HSPB2: variants seen among roughly 807,000 people sequenced by gnomAD.
HSPB2 encodes heat shock protein family B (small) member 2.
Under a neutral mutation model 14.1 loss-of-function variants are expected in HSPB2, and 14 were observed. The observed-to-expected ratio is 0.99, with a 90% CI of 0.66 to 1.55. HSPB2 has a LOEUF of 1.55. Among genes scored for constraint, HSPB2 ranks in the 40% most tolerant of loss-of-function variants. HSPB2 has a pLI of 0.00. For missense variants in HSPB2, 242 were observed against 241.7 expected, an observed-to-expected ratio of 1.00 and a Z score of -0.01; for synonymous variants, 110 against 103.4, an observed-to-expected ratio of 1.06 and a Z score of -0.39.
chr11:111,913,157 G>C, intron 1 of HSPB2: 1 of 605,924 alleles, frequency 1.7e-6, no homozygotes, highest in East Asian at 2.8e-5. Flanking sequence ...TGCCGGCCTG[G>C]GTGTGCCTCC....
rs782506463 is a variant in HSPB2 at position 111,913,467 on chromosome 11, C to T, written c.121C>T (p.Pro41Ser). 6.2e-7 allele frequency: 1 copy of T among 1,611,314 alleles called. No individual in the cohort carries two copies. Among genetic ancestry groups the T allele is most frequent in the Non-Finnish European group, 8.5e-7 (1 of 1,179,986 alleles). ...EGLLPEEILT[P>S]TLYHGYYVRP... ...CCTCCTGCCAGAAGAGATCCTGACC[C>T]CCACACTCTACCATGGCTACTATGT... Residue 41 changes from proline (P) to serine (S), a missense_variant, in exon 2 of 2, where the codon CCC (proline) becomes TCC (serine). Physicochemically the swap from Pro to Ser is moderately conservative, Grantham distance 74 (BLOSUM62 -1). Transcript: ENST00000304298.
intron 1 of HSPB2, 171 bp from the exon 2 acceptor site, chr11:111,913,270 T>C: frequency 1.7e-6 from 1 of 589,406 alleles, no homozygotes. Context: ...CTCTTTCCCC[T>C]CTTCCGAGCT....
chr11:111,914,025 G>T lies in HSPB2; in HGVS notation c.*130G>T. ...GTGCATGGTCCACAATGTATGGTTT[G>T]GTCCCATGGGACATGTCATAGCCTT... On this transcript the variant is annotated 3_prime_UTR_variant, in exon 2 of 2. Transcript: ENST00000304298. 1 of 822,604 alleles carries T rather than the reference G, an allele frequency of 1.2e-6. No individual in the cohort carries two copies. Among genetic ancestry groups the T allele is most frequent in the South Asian group, 1.8e-5 (1 of 55,436 alleles). The allele number at this position is 822,604 out of a possible 1,614,324, so 51.0% of individuals were successfully genotyped here.
intron 1 of HSPB2, 100 bp downstream of exon 1, chr11:111,913,023 C>T (rs1965519448): frequency 7.0e-6 from 6 of 856,008 alleles, no homozygotes; most frequent in Non-Finnish European, 1.1e-5. Context: ...CTGGGCTTAA[C>T]TGATCTCCTG....
At chr11:111,913,287 T>C (rs1965530498) in intron 1 of HSPB2, 154 bp from the exon 2 acceptor site, 1 of 671,286 alleles carries the variant, frequency 1.5e-6, no homozygotes, top group Non-Finnish European at 2.6e-6. Flanking sequence ...AGCTGCCTTC[T>C]CCTCCTAGCT....
rs1555165898 is a variant in HSPB2, at chr11:111,913,732, C to T, written c.386C>T (p.Pro129Leu). 1 of 1,614,112 alleles carries T rather than the reference C, an allele frequency of 6.2e-7. No homozygotes were observed. The highest frequency in any genetic ancestry group is 8.5e-7 in the Non-Finnish European group (1 of 1,180,028). ...RTYVLPADVD[P>L]WRVRAALSHD... ...TATGTCCTGCCTGCTGATGTCGACC[C>T]CTGGCGAGTCCGAGCTGCTCTCTCC... Residue 129 changes from proline to leucine, a missense_variant, in exon 2 of 2, where the codon CCC (proline) becomes CTC (leucine). Physicochemically the swap from Pro to Leu is moderately conservative, Grantham distance 98 (BLOSUM62 -3). Transcript: ENST00000304298.
chr11:111,913,447 T>C lies in HSPB2; in HGVS notation c.101T>C (p.Leu34Pro). The change falls in exon 2 of 2, where the codon CTG (leucine) becomes CCG (proline). Residue 34 changes from leucine (L) to proline (P), a missense_variant. Coordinates refer to ENST00000304298, the MANE Select transcript of HSPB2 (RefSeq NM_001541.4). ...LGEQRFGEGL[L>P]PEEILTPTLY... ...CCTTCTCTCTGCCCTTTAGGCCTCC[T>C]GCCAGAAGAGATCCTGACCCCCACA... is the stretch of plus-strand genomic sequence containing the variant. 1 of 1,606,784 alleles carries C rather than the reference T, an allele frequency of 6.2e-7. No homozygotes were observed. The highest frequency in any genetic ancestry group is 8.5e-7 in the Non-Finnish European group (1 of 1,179,448).
Position 111,913,648 on chromosome 11 carries a change from C to T in HSPB2, c.302C>T (p.Ala101Val), listed in dbSNP as rs1555165878. 2 of 1,614,118 alleles carry T rather than the reference C, an allele frequency of 1.2e-6. No homozygotes were observed. Among genetic ancestry groups the T allele is most frequent in the Admixed American group, 1.7e-5 (1 of 60,030 alleles). ...GTGGATAACCTGCTGGAGGTGTCTG[C>T]CCGGCACCCCCAGCGCCTGGACCGC... The part of the protein sequence containing the change: ...RTVDNLLEVS[A>V]RHPQRLDRHG... The change falls in exon 2 of 2, where the codon GCC (alanine) becomes GTC (valine). Residue 101 changes from alanine (A) to valine (V), a missense_variant. Coordinates refer to ENST00000304298, the MANE Select transcript of HSPB2 (RefSeq NM_001541.4).
chr11:111,912,947 T>TC, intron 1 of HSPB2, 24 bp downstream of exon 1: 2 of 1,143,322 alleles, frequency 1.7e-6, no homozygotes, highest in Non-Finnish European at 2.3e-6. Flanking sequence ...ACCACCCCCT[T>TC]GCCCCCCACC....
Position 111,913,656 on chromosome 11 carries a change from C to T in HSPB2, c.310C>T (p.Pro104Ser), listed in dbSNP as rs150314549. 3.7e-5 allele frequency: 60 copies of T among 1,614,038 alleles called. No homozygotes were observed. The highest frequency in any genetic ancestry group is 4.5e-5 in the Non-Finnish European group (53 of 1,180,044). ...CCTGCTGGAGGTGTCTGCCCGGCAC[C>T]CCCAGCGCCTGGACCGCCACGGCTT... ...DNLLEVSARH[P>S]QRLDRHGFVS... Residue 104 changes from proline (P) to serine (S), a missense_variant, in exon 2 of 2, where the codon CCC becomes TCC. Physicochemically the swap from Pro to Ser is moderately conservative, Grantham distance 74. Coordinates refer to ENST00000304298, the MANE Select transcript of HSPB2 (RefSeq NM_001541.4).
rs1555165734 is a variant in HSPB2, at chr11:111,912,751, C to A, written c.-79C>A. ...GCCCCCACCTCCTATCGAGCCCTGG[C>A]TCTCCGGGCAGCTGGAGGGGTCGCG... On this transcript the variant is annotated 5_prime_UTR_variant, in exon 1 of 2. Transcript: ENST00000304298. 9.5e-7 allele frequency: 1 copy of A among 1,055,166 alleles called. No homozygotes were observed. Among genetic ancestry groups the A allele is most frequent in the Non-Finnish European group, 1.4e-6 (1 of 735,924 alleles). 65.4% of individuals were successfully genotyped at this position (1,055,166 alleles called of 1,614,324 possible). A position where few individuals can be genotyped will look rare whatever the true frequency, so the allele number is the denominator to read the frequency against.
intron 1 of HSPB2, 31 bp downstream of exon 1, chr11:111,912,954 C>T (rs782250150): frequency 6.8e-7 from 1 of 1,465,550 alleles, no homozygotes; most frequent in Non-Finnish European, 9.2e-7. Context: ...CCTTGCCCCC[C>T]ACCCCCACCC....
chr11:111,912,853 T>C lies in HSPB2; in HGVS notation c.24T>C (p.His8=). The C allele has an allele frequency of 6.2e-7, 1 of 1,607,062 alleles. No individual in the cohort carries two copies. The highest frequency in any genetic ancestry group is 8.5e-7 in the Non-Finnish European group (1 of 1,178,184). ...CCATGTCGGGCCGCTCAGTGCCACA[T>C]GCCCACCCGGCCACCGCCGAGTACG... The part of the protein sequence containing the change: MSGRSVP[H]AHPATAEYEF... Residue 8 remains histidine (H), a synonymous_variant, in exon 1 of 2, where the codon CAT becomes CAC. Coordinates refer to ENST00000304298, the MANE Select transcript of HSPB2 (RefSeq NM_001541.4).
Position 111,913,534 on chromosome 11 carries a change from G to A in HSPB2, c.188G>A (p.Gly63Glu), listed in dbSNP as rs782777418. 9.9e-6 allele frequency: 16 copies of A among 1,614,006 alleles called. No individual in the cohort carries two copies. Among genetic ancestry groups the A allele is most frequent in the Non-Finnish European group, 1.4e-5 (16 of 1,180,026 alleles). ...AAPAGEGSRAGASELRLSEGK... is the reference protein window; with the variant it reads ...AAPAGEGSRAEASELRLSEGK... ...CCAGCTGGGGAGGGCAGCAGGGCAG[G>A]GGCCTCCGAGCTTAGGCTCAGTGAG... is the stretch of plus-strand genomic sequence containing the variant. Residue 63 changes from glycine (G) to glutamate (E), a missense_variant, in exon 2 of 2, where the codon GGG (glycine) becomes GAG (glutamate). Physicochemically the swap from Gly to Glu is moderately conservative, Grantham distance 98. Coordinates refer to ENST00000304298, the MANE Select transcript of HSPB2 (RefSeq NM_001541.4).
In HSPB2 at chr11:111,914,068, A is replaced by G. The variant is rs1965558299; in HGVS notation, c.*173A>G. The G allele has an allele frequency of 1.5e-6, 1 of 653,784 alleles. No individual in the cohort carries two copies. Among genetic ancestry groups the G allele is most frequent in the Non-Finnish European group, 2.6e-6 (1 of 388,830 alleles). The allele number at this position is 653,784 out of a possible 1,614,324, so 40.5% of individuals were successfully genotyped here. A position where few individuals can be genotyped will look rare whatever the true frequency, so the allele number is the denominator to read the frequency against. Reference sequence around the variant, plus strand: ...ATAGCCTTGGTTTAGTTTTGGGTGGAGCTGAATAAACCCAAATCTCAGGGC... The same window carrying G: ...ATAGCCTTGGTTTAGTTTTGGGTGGGGCTGAATAAACCCAAATCTCAGGGC... On this transcript the variant is annotated 3_prime_UTR_variant, in exon 2 of 2. Transcript: ENST00000304298.
In HSPB2 at chr11:111,913,520, G is replaced by A. The variant is rs202111419; in HGVS notation, c.174G>A (p.Glu58=). The A allele has an allele frequency of 1.2e-6, 2 of 1,613,960 alleles. No homozygotes were observed. The highest frequency in any genetic ancestry group is 1.7e-6 in the Non-Finnish European group (2 of 1,180,004). ...YVRPRAAPAG[E]GSRAGASELR... ...GGCCTCGGGCCGCCCCAGCTGGGGA[G>A]GGCAGCAGGGCAGGGGCCTCCGAGC... Residue 58 remains glutamate, a synonymous_variant, in exon 2 of 2, where the codon GAG becomes GAA. Transcript: ENST00000304298.
rs918568668 is a variant in HSPB2, at chr11:111,913,688, C to T, written c.342C>T (p.Ser114=). 1 of 1,614,170 alleles carries T rather than the reference C, an allele frequency of 6.2e-7. No homozygotes were observed. Among genetic ancestry groups the T allele is most frequent in the Admixed American group, 1.7e-5 (1 of 60,026 alleles). ...GCCTGGACCGCCACGGCTTCGTGTC[C>T]CGAGAGTTCTGCCGCACCTATGTCC... ...PQRLDRHGFV[S]REFCRTYVLP... is the part of the protein sequence containing the mutation. The change falls in exon 2 of 2, where the codon TCC becomes TCT. Residue 114 remains serine, a synonymous_variant. Coordinates refer to ENST00000304298, the MANE Select transcript of HSPB2 (RefSeq NM_001541.4).
At position 111,913,668 on chromosome 11, in the gene HSPB2, G is replaced by A; in HGVS notation, c.322G>A (p.Asp108Asn). ...EVSARHPQRL[D>N]RHGFVSREFC... ...GTCTGCCCGGCACCCCCAGCGCCTGGACCGCCACGGCTTCGTGTCCCGAGA... is the reference window on the plus strand; with the variant it reads ...GTCTGCCCGGCACCCCCAGCGCCTGAACCGCCACGGCTTCGTGTCCCGAGA... The change falls in exon 2 of 2, where the codon GAC becomes AAC. Residue 108 changes from aspartate (D) to asparagine (N), a missense_variant. By Grantham distance (23) the Asp-to-Asn change is conservative. Transcript: ENST00000304298. 1 of 1,614,132 alleles carries A rather than the reference G, an allele frequency of 6.2e-7. No homozygotes were observed. The highest frequency in any genetic ancestry group is 1.1e-5 in the South Asian group (1 of 91,082).
At position 111,912,889 on chromosome 11, in the gene HSPB2, C is replaced by T. The variant is rs1965511372; in HGVS notation, c.60C>T (p.Asn20=). 1.2e-6 allele frequency: 2 copies of T among 1,609,672 alleles called. No homozygotes were observed. The highest frequency in any genetic ancestry group is 1.7e-6 in the Non-Finnish European group (2 of 1,179,042). ...HPATAEYEFA[N]PSRLGEQRFG... Reference sequence around the variant, plus strand: ...CCACCGCCGAGTACGAATTTGCCAACCCGAGCCGCCTGGGTGAGCAGCGCT... The same window carrying T: ...CCACCGCCGAGTACGAATTTGCCAATCCGAGCCGCCTGGGTGAGCAGCGCT... The change falls in exon 1 of 2, where the codon AAC becomes AAT. Residue 20 remains asparagine, a synonymous_variant. Coordinates refer to ENST00000304298, the MANE Select transcript of HSPB2 (RefSeq NM_001541.4).
Sources: allele counts gnomAD v4.1 joint callset, GRCh38; gene constraint gnomAD v4.1.1; transcripts MANE v1.5; gene names NCBI Gene and HGNC (gene_info 2026-07-23, HGNC 2026-07-21).